Variants in CASP8 observed in about 807,000 individuals in gnomAD.
CASP8 encodes caspase 8.
CASP8 carries 24 observed loss-of-function variants against 46.3 expected under a neutral mutation model. The ratio of observed to expected loss-of-function variants is 0.52; its 90% CI spans 0.38 to 0.73. The LOEUF is 0.73. CASP8 is among the 30% of genes least tolerant of loss of function. The pLI is 0.00. For synonymous variants in CASP8, 188 were observed against 200.4 expected (o/e 0.94, Z 0.52); for missense variants, 460 against 559.0 (o/e 0.82, Z 1.79).
chr2:201,258,944 G>T (rs1429320626), upstream of CASP8, among the ~76,000 whole-genome samples: 2 of 151,962 alleles, frequency 1.3e-5, no homozygotes, highest in Non-Finnish European at 2.9e-5. Flanking sequence ...TTTGCAAAAT[G>T]TATTTTTCTT....
chr2:201,248,412 C>T (rs533644049), intron 2 of CASP8, among the ~76,000 whole-genome samples: 1 of 152,320 alleles, frequency 6.6e-6, no homozygotes, highest in East Asian at 1.9e-4. Flanking sequence ...CTGTAATGGA[C>T]TATCCCAAGT....
At chr2:201,273,187 A>G (rs1256144472) in intron 5 of CASP8, among the ~76,000 whole-genome samples, 1 of 152,058 alleles carries the variant, frequency 6.6e-6, no homozygotes, top group Non-Finnish European at 1.5e-5. Context: ...CCTCCTGAGA[A>G]GCTGGGATTA....
At chr2:201,251,816 C>T (rs1195479599) in intron 2 of CASP8, among the ~76,000 whole-genome samples, 2 of 151,718 alleles carry the variant, frequency 1.3e-5, no homozygotes, top group Admixed American at 6.6e-5. Context: ...GCAGGAGAAT[C>T]GCTTGAACCC....
chr2:201,261,142 C>G (rs1947360428), intron 1 of CASP8, among the ~76,000 whole-genome samples: 1 of 152,130 alleles, frequency 6.6e-6, no homozygotes, highest in Non-Finnish European at 1.5e-5. Context: ...CCTGTCATCC[C>G]AGCACTTTGG....
chr2:201,247,190 CAAAAAAAAAA>C (rs71022356), intron 2 of CASP8, among the ~76,000 whole-genome samples: 11 of 81,424 alleles, frequency 1.4e-4, no homozygotes, highest in East Asian at 1.2e-3. Flanking sequence ...CTGTCTGTCT[CAAAAAAAAAA>C]AAAAAAAAAA....
At chr2:201,269,872 A>G (rs1466300380) in intron 2 of CASP8, among the ~76,000 whole-genome samples, 1 of 152,244 alleles carries the variant, frequency 6.6e-6, no homozygotes, top group Non-Finnish European at 1.5e-5. Flanking sequence ...ATAATGAGGA[A>G]AGCAAAAGGG....
At chr2:201,237,970 G>A (rs1318990902) in intron 2 of CASP8, among the ~76,000 whole-genome samples, 1 of 152,186 alleles carries the variant, frequency 6.6e-6, no homozygotes, top group East Asian at 1.9e-4. Context: ...CAACCTCTTG[G>A]CAAATGGAGA....
At chr2:201,252,907 A>C (rs140833319) in intron 2 of CASP8, among the ~76,000 whole-genome samples, 129 of 152,334 alleles carry the variant, frequency 8.5e-4, no homozygotes, top group African/African-American at 3.0e-3. Flanking sequence ...GGGGAAAAAA[A>C]AGGAATTTTC....
At chr2:201,239,300 G>T (rs529984396) in intron 2 of CASP8, among the ~76,000 whole-genome samples, 1 of 152,314 alleles carries the variant, frequency 6.6e-6, no homozygotes, top group South Asian at 2.1e-4. Context: ...CCCAGACGGG[G>T]TGGTGGCCGG....
intron 2 of CASP8, among the ~76,000 whole-genome samples, chr2:201,246,629 G>A (rs1946533704): frequency 6.6e-6 from 1 of 152,108 alleles, no homozygotes; most frequent in Admixed American, 6.6e-5. Flanking sequence ...CCCCAGTTCA[G>A]CTGACTGACT....
Position 201,285,023 on chromosome 2 carries a change from C to T in CASP8, c.1010C>T (p.Thr337Ile). Reference protein sequence around the residue: ...DGQEAPIYELTSQFTGLKCPS... With the variant: ...DGQEAPIYELISQFTGLKCPS... ...CAGGAGGCCCCCATCTATGAGCTGA[C>T]ATCTCAGTTCACTGGTTTGAAGTGC... The change falls in exon 8 of 9, where the codon ACA becomes ATA. Residue 337 changes from threonine to isoleucine, a missense_variant. Thr to Ile is a moderately conservative substitution (Grantham distance 89). Transcript: ENST00000673742. 1.2e-6 allele frequency: 2 copies of T among 1,614,138 alleles called. No homozygotes were observed. The highest frequency in any genetic ancestry group is 1.1e-5 in the South Asian group (1 of 91,086).
At chr2:201,275,284 A>G (rs542830143) in intron 6 of CASP8, among the ~76,000 whole-genome samples, 45 of 152,136 alleles carry the variant, frequency 3.0e-4, no homozygotes, top group Non-Finnish European at 6.0e-4. Context: ...GTTTGGAGAA[A>G]GAGTCTAGCA....
upstream of CASP8, among the ~76,000 whole-genome samples, chr2:201,257,093 C>T (rs998094408): frequency 6.6e-6 from 1 of 151,652 alleles, no homozygotes; most frequent in African/African-American, 2.4e-5. Context: ...TGCTGTGAGC[C>T]GAGATGGCAC....
At chr2:201,263,093 C>T (rs76328633) in intron 1 of CASP8, among the ~76,000 whole-genome samples, 2,774 of 152,218 alleles carry the variant, frequency 0.018, 91 homozygotes, top group African/African-American at 0.063. Flanking sequence ...GAGGACGGAG[C>T]TATGCGCCAA....
At chr2:201,241,449 G>C (rs1331840744) in intron 2 of CASP8, 4 of 152,140 alleles carry the variant, frequency 2.6e-5, no homozygotes, top group African/African-American at 9.7e-5. Flanking sequence ...GGATAATCTA[G>C]AAGAAATGAA....
chr2:201,265,766 G>A (rs1347884885), intron 1 of CASP8, among the ~76,000 whole-genome samples: 1 of 151,956 alleles, frequency 6.6e-6, no homozygotes, highest in Admixed American at 6.6e-5. Context: ...ACTTTATTGA[G>A]CTCCTTGTGC....
intron 2 of CASP8, chr2:201,269,396 C>A: frequency 1.4e-6 from 1 of 699,246 alleles, no homozygotes; most frequent in Non-Finnish European, 2.6e-6. Flanking sequence ...ATTGTGAAGT[C>A]TTTATAAGGC....
At chr2:201,285,671 C>T (rs1452679207) in intron 8 of CASP8, among the ~76,000 whole-genome samples, 2 of 152,212 alleles carry the variant, frequency 1.3e-5, no homozygotes, top group African/African-American at 4.8e-5. Context: ...TACTCCAGCT[C>T]TCTGTCTTTA....
chr2:201,246,492 G>GA (rs1430433536), intron 2 of CASP8, among the ~76,000 whole-genome samples: 1 of 151,998 alleles, frequency 6.6e-6, no homozygotes, highest in Non-Finnish European at 1.5e-5. Context: ...GAACTTGAGT[G>GA]AAAAAAACAT....
Sources: gnomAD v4.1 joint callset for allele counts (sites outside exome capture counted in the v4.1 genomes callset) on GRCh38, gnomAD v4.1.1 for gene constraint, MANE v1.5 for transcripts, NCBI Gene and HGNC (gene_info 2026-07-23, HGNC 2026-07-21) for gene names.